The following OSGIN2 variants were observed in gnomAD, a reference collection of about 807,000 sequenced individuals.
OSGIN2 encodes the protein oxidative stress-induced growth inhibitor 2.
A neutral mutation model predicts 53.8 loss-of-function variants in OSGIN2; 19 were observed. That is an observed-to-expected ratio of 0.35 (90% CI 0.25 to 0.52). OSGIN2 has a LOEUF of 0.52. OSGIN2 is among the 20% of genes least tolerant of loss of function. The pLI, the probability that OSGIN2 is intolerant of heterozygous loss-of-function variation, is 0.95. For missense variants in OSGIN2, 520 were observed against 662.7 expected (o/e 0.78, Z 2.36); for synonymous variants, 236 against 236.0 (o/e 1.00, Z 0.00).
chr8:89,914,200 C>T lies in OSGIN2; in HGVS notation c.323C>T (p.Ser108Phe). The change falls in exon 3 of 6, where the codon TCC (serine) becomes TTC (phenylalanine). Residue 108 changes from serine to phenylalanine, a missense_variant. Physicochemically the swap from Ser to Phe is radical, Grantham distance 155. Coordinates refer to ENST00000451899, the MANE Select transcript of OSGIN2 (RefSeq NM_001126111.3). ...AAATTAGAAGAAGCAAGACATCTTT[C>T]CATTGTTGATCAGGTATTATTTCTT... ...NSKLEEARHLSIVDQDLEYLS... is the reference protein window; with the variant it reads ...NSKLEEARHLFIVDQDLEYLS... The T allele has an allele frequency of 6.3e-7, 1 of 1,598,828 alleles. No homozygotes were observed. The highest frequency in any genetic ancestry group is 8.5e-7 in the Non-Finnish European group (1 of 1,169,702).
intron 2 of OSGIN2, 84 bp from the exon 3 acceptor site, chr8:89,913,993 G>C (rs956897951): frequency 4.4e-5 from 49 of 1,112,306 alleles, no homozygotes; most frequent in Non-Finnish European, 6.1e-5. Context: ...AGAGAAAAGA[G>C]CCATCTTCAA....
rs751152703 is a variant in OSGIN2 at position 89,924,883 on chromosome 8, C to G, written c.1001C>G (p.Ala334Gly). 6.2e-7 allele frequency: 1 copy of G among 1,614,182 alleles called. No individual in the cohort carries two copies. Among genetic ancestry groups the G allele is most frequent in the Non-Finnish European group, 8.5e-7 (1 of 1,180,016 alleles). Residue 334 changes from alanine (A) to glycine (G), a missense_variant, in exon 6 of 6, where the codon GCT becomes GGT. Coordinates refer to ENST00000451899, the MANE Select transcript of OSGIN2 (RefSeq NM_001126111.3). ...TTTCATTCAATGCCTGAATTTGGAG[C>G]TGCTATAAACAAAGGAAAGTTGCGT... ...FVFHSMPEFGAAINKGKLRGK... is the reference protein window; with the variant it reads ...FVFHSMPEFGGAINKGKLRGK...
At chr8:89,920,005 C>A (rs1159295352) in intron 4 of OSGIN2, among the ~76,000 whole-genome samples, 1 of 152,134 alleles carries the variant, frequency 6.6e-6, no homozygotes, top group Non-Finnish European at 1.5e-5. Context: ...ACTGGAAGAA[C>A]TGGTGCAGTG....
intron 2 of OSGIN2, among the ~76,000 whole-genome samples, chr8:89,912,226 A>T (rs1808982309): frequency 6.6e-6 from 1 of 152,254 alleles, no homozygotes; most frequent in Admixed American, 6.5e-5. Context: ...ATTAATTCAT[A>T]AATGGAAGTA....
At chr8:89,902,075 C>T (rs1808728368), upstream of OSGIN2, 1 of 152,456 alleles carries the variant, frequency 6.6e-6, no homozygotes, top group Middle Eastern at 3.4e-3. Context: ...GGGAGAGGCA[C>T]CCGGAAGCTC....
chr8:89,909,266 T>G (rs950238296), intron 1 of OSGIN2, among the ~76,000 whole-genome samples: 2 of 151,794 alleles, frequency 1.3e-5, no homozygotes, highest in Non-Finnish European at 2.9e-5. Context: ...CAGAGAATTA[T>G]GAACTCCTCA....
chr8:89,905,546 A>G (rs764946839), intron 1 of OSGIN2, among the ~76,000 whole-genome samples: 1 of 150,772 alleles, frequency 6.6e-6, no homozygotes, highest in African/African-American at 2.5e-5. Context: ...AATAATTACT[A>G]AAAGTCTTGT....
At chr8:89,909,459 G>A (rs1808920994) in intron 1 of OSGIN2, 108 bp from the exon 2 acceptor site, 1 of 589,290 alleles carries the variant, frequency 1.7e-6, no homozygotes, top group Admixed American at 3.8e-5. Context: ...CTTCTTTTAT[G>A]GAATGATTAA....
rs1385022160 is a variant in OSGIN2, at chr8:89,921,075, A to G, written c.529-5A>G. 1 of 1,543,608 alleles carries G rather than the reference A, an allele frequency of 6.5e-7. No individual in the cohort carries two copies. The highest frequency in any genetic ancestry group is 8.8e-7 in the Non-Finnish European group (1 of 1,133,586). ...CGGTACATTTTTTTTTTTAAACTCT[A>G]ATAGAATATGGAAGGCTCCATGTTG... On this transcript the variant is annotated splice_polypyrimidine_tract_variant and splice_region_variant and intron_variant, in intron 4 of 5. Coordinates refer to ENST00000451899, the MANE Select transcript of OSGIN2 (RefSeq NM_001126111.3).
intron 5 of OSGIN2, among the ~76,000 whole-genome samples, chr8:89,922,427 T>C (rs1472459481): frequency 6.6e-6 from 1 of 152,202 alleles, no homozygotes; most frequent in Non-Finnish European, 1.5e-5. Flanking sequence ...GCAAGTGAAA[T>C]TGCTTAACAC....
rs1808931384 is a variant in OSGIN2, at chr8:89,909,818, A to G, written c.199+97A>G. 5 of 775,546 alleles carry G rather than the reference A, an allele frequency of 6.4e-6. No individual in the cohort carries two copies. In the South Asian group the frequency reaches 1.7e-4, roughly 27 times the overall value. The allele number at this position is 775,546 out of a possible 1,614,324, so 48.0% of individuals were successfully genotyped here. On this transcript the variant is annotated intron_variant, in intron 2 of 5. Transcript: ENST00000451899. ...TACAAGTTCTTAAGATTTTATTGAAAAGTATTCTTAGGTGGTTTGATATGC... is the reference window on the plus strand; with the variant it reads ...TACAAGTTCTTAAGATTTTATTGAAGAGTATTCTTAGGTGGTTTGATATGC...
rs922650222 is a variant in OSGIN2, at chr8:89,926,413, C to T, written c.*881C>T. The T allele has an allele frequency of 2.0e-5, 3 of 152,592 alleles. No individual in the cohort carries two copies. The highest frequency in any genetic ancestry group is 2.9e-5 in the Non-Finnish European group (2 of 68,008). 9.5% of individuals were successfully genotyped at this position (152,592 alleles called of 1,614,324 possible). On this transcript the variant is annotated 3_prime_UTR_variant, in exon 6 of 6. Transcript: ENST00000451899. ...GTTGAACTACTTATCCCTGTGTGAA[C>T]ATTGAATTACTTTCTGTCACTGAAA...
At chr8:89,917,667 T>G (rs903336740) in intron 4 of OSGIN2, among the ~76,000 whole-genome samples, 11 of 152,224 alleles carry the variant, frequency 7.2e-5, no homozygotes, top group Non-Finnish European at 1.3e-4. Flanking sequence ...TTTTCTTTCA[T>G]GCTTAGAAGT....
chr8:89,910,521 T>G (rs1380290622), intron 2 of OSGIN2, among the ~76,000 whole-genome samples: 1 of 152,200 alleles, frequency 6.6e-6, no homozygotes, highest in Non-Finnish European at 1.5e-5. Flanking sequence ...ATTCATGTCC[T>G]CTGGCTTGTG....
chr8:89,925,713 A>C lies in OSGIN2; in HGVS notation c.*181A>C, dbSNP rs1809310546. The C allele has an allele frequency of 3.8e-6, 2 of 523,714 alleles. No individual in the cohort carries two copies. The highest frequency in any genetic ancestry group is 3.8e-5 in the African/African-American group (2 of 53,000). The allele number at this position is 523,714 out of a possible 1,614,324, so 32.4% of individuals were successfully genotyped here. A position where few individuals can be genotyped will look rare whatever the true frequency, so the allele number is the denominator to read the frequency against. On this transcript the variant is annotated 3_prime_UTR_variant, in exon 6 of 6. Transcript: ENST00000451899. ...ATCCTGATTTATATTGCAGTGTTTC[A>C]AAGGTGTCACTGTCAGACAAATAGA...
At position 89,924,736 on chromosome 8, in the gene OSGIN2, A is replaced by G. The variant is rs1455286491; in HGVS notation, c.854A>G (p.Gln285Arg). 6.2e-7 allele frequency: 1 copy of G among 1,614,188 alleles called. No individual in the cohort carries two copies. The highest frequency in any genetic ancestry group is 8.5e-7 in the Non-Finnish European group (1 of 1,180,006). ...AGAAACTGGGAAATTAGGGGTTATC[A>G]GCGAATAGCTGATGGTTCTCATGTT... ...IKRNWEIRGY[Q>R]RIADGSHVPF... The change falls in exon 6 of 6, where the codon CAG becomes CGG. Residue 285 changes from glutamine to arginine, a missense_variant. Gln to Arg is a conservative substitution (Grantham distance 43). Transcript: ENST00000451899.
rs373006663 is a variant in OSGIN2, at chr8:89,914,549, A to G, written c.337-6A>G. ...TTCAAACTCTGTCTCCCTTTTGTTC[A>G]TTCAGGACTTAGAATACTTGTCTGA... On this transcript the variant is annotated splice_region_variant and splice_polypyrimidine_tract_variant and intron_variant, in intron 3 of 5. Coordinates refer to ENST00000451899, the MANE Select transcript of OSGIN2 (RefSeq NM_001126111.3). 3.9e-5 allele frequency: 63 copies of G among 1,611,220 alleles called. No homozygotes were observed. The highest frequency in any genetic ancestry group is 5.3e-5 in the Non-Finnish European group (62 of 1,177,912).
At chr8:89,906,652 T>C (rs1160696215) in intron 1 of OSGIN2, among the ~76,000 whole-genome samples, 2 of 152,224 alleles carry the variant, frequency 1.3e-5, no homozygotes, top group Non-Finnish European at 2.9e-5. Context: ...GGTGCATATG[T>C]ACCATGTTTT....
At chr8:89,902,445 C>G (rs1266264437), upstream of OSGIN2, 3 of 152,188 alleles carry the variant, frequency 2.0e-5, no homozygotes, top group African/African-American at 4.8e-5. Flanking sequence ...GGCCGTGGCT[C>G]CACCAATCGC....
Sources: gnomAD v4.1 joint callset for allele counts (sites outside exome capture counted in the v4.1 genomes callset) on GRCh38, gnomAD v4.1.1 for gene constraint, MANE v1.5 for transcripts, NCBI Gene and HGNC (gene_info 2026-07-23, HGNC 2026-07-21) for gene names.